Variants in MTERF4 observed in about 807,000 individuals in gnomAD.
MTERF4 encodes the protein mitochondrial transcription termination factor 4, also known as transcription termination factor 4, mitochondrial.
A neutral mutation model predicts 22.5 loss-of-function variants in MTERF4; 17 were observed. That is an observed-to-expected ratio of 0.75 (90% CI 0.52 to 1.13). MTERF4 has a LOEUF of 1.13. MTERF4 is among the 50% of genes most tolerant of loss of function. The probability of loss-of-function intolerance (pLI) is 0.00; values close to 1 mark genes in which losing one functional copy is unlikely to be tolerated. For missense variants in MTERF4, 420 were observed against 466.8 expected (o/e 0.90, Z 0.92); for synonymous variants, 165 against 175.3 (o/e 0.94, Z 0.47).
chr2:241,071,463 C>A, downstream of MTERF4: 1 of 1,277,316 alleles, frequency 7.8e-7, no homozygotes, highest in Non-Finnish European at 1.1e-6. Flanking sequence ...CACATGCCCC[C>A]CTTCCCTTCT....
downstream of MTERF4, chr2:241,088,441 G>A: frequency 2.6e-6 from 4 of 1,563,100 alleles, no homozygotes; most frequent in Middle Eastern, 1.7e-4. Context: ...CCACAGAGCT[G>A]CTGGGAAGTG....
At chr2:241,043,007 A>G in the MTERF4 span, among the ~76,000 whole-genome samples, 1 of 152,214 alleles carries the variant, frequency 6.6e-6, no homozygotes, top group Non-Finnish European at 1.5e-5. Flanking sequence ...GGATCCATGT[A>G]TGTGCAGTCT....
the MTERF4 span, among the ~76,000 whole-genome samples, chr2:241,048,142 C>T: frequency 6.6e-6 from 1 of 152,260 alleles, no homozygotes. Flanking sequence ...ATGCTGAGCT[C>T]CATGGGGTGC....
At chr2:241,051,682 TA>T in the MTERF4 span, 1 of 1,288,270 alleles carries the variant, frequency 7.8e-7, no homozygotes, top group African/African-American at 1.5e-5. This position sits in a 1 kb window ranked among gnomAD's most constrained non-coding sequence, Gnocchi z 4.7. Context: ...CAGGAGGGTA[TA>T]GTGGCTCTGT....
downstream of MTERF4, chr2:241,088,003 A>G (rs2063672397): frequency 2.6e-6 from 1 of 391,196 alleles, no homozygotes; most frequent in Non-Finnish European, 4.5e-6. Flanking sequence ...GGCATTACCA[A>G]GTGTCCGGGC....
chr2:241,064,208 G>T, the MTERF4 span: 1 of 920,906 alleles, frequency 1.1e-6, no homozygotes, highest in Admixed American at 2.9e-5. This position sits in a 1 kb window ranked among gnomAD's most constrained non-coding sequence, Gnocchi z 7.0. Context: ...CCCTCTGCCC[G>T]CCTGCTCCCC....
the MTERF4 span, among the ~76,000 whole-genome samples, chr2:241,064,459 G>A: frequency 4.9e-4 from 74 of 152,286 alleles, 1 homozygote; most frequent in Non-Finnish European, 1.2e-4. This position sits in a 1 kb window ranked among gnomAD's most constrained non-coding sequence, Gnocchi z 7.0. Flanking sequence ...ACCCAGGTCT[G>A]GCCCCTGGCT....
chr2:241,049,152 C>T, the MTERF4 span: 4 of 1,597,644 alleles, frequency 2.5e-6, no homozygotes, highest in South Asian at 1.1e-5. Flanking sequence ...AGCTCGGGGA[C>T]GAGCCTGCTG....
At chr2:241,070,146 G>A, downstream of MTERF4, 1 of 1,610,524 alleles carries the variant, frequency 6.2e-7, no homozygotes. Flanking sequence ...TAGCAGTGCA[G>A]AGCACGGAGC....
chr2:241,096,004 C>T lies in MTERF4; in HGVS notation c.1140G>A (p.Glu380=). 1.2e-6 allele frequency: 2 copies of T among 1,613,852 alleles called. No individual in the cohort carries two copies. The highest frequency in any genetic ancestry group is 1.7e-6 in the Non-Finnish European group (2 of 1,179,764). ...TCTAGTCCTTCCATCACAGCTATTC[C>T]TCCTCGTCGTCGTCCTCATCCTCAT... ...DNDEDEDDDE[E]E The change falls in exon 4 of 4, where the codon GAG becomes GAA. Residue 380 remains glutamate, a synonymous_variant. Transcript: ENST00000391980. This position sits in a 1 kb window ranked among gnomAD's most constrained non-coding sequence, Gnocchi z 5.1.
chr2:241,079,331 G>C (rs1172243435), intron 4 of MTERF4, among the ~76,000 whole-genome samples: 1 of 150,378 alleles, frequency 6.6e-6, no homozygotes, highest in Admixed American at 6.6e-5. Flanking sequence ...AGAATGGCAT[G>C]AACCCAGGAG....
At chr2:241,072,745 C>T (rs1350124460) in exon 5 of MTERF4, 1 of 193,600 alleles carries the variant, frequency 5.2e-6, no homozygotes, top group African/African-American at 2.4e-5. Flanking sequence ...ATCTGGAGTA[C>T]AGAGGGGGGC....
downstream of MTERF4, among the ~76,000 whole-genome samples, chr2:241,091,447 G>A (rs183754690): frequency 1.6e-4 from 25 of 151,670 alleles, no homozygotes; most frequent in African/African-American, 5.8e-4. This position sits in a 1 kb window ranked among gnomAD's most constrained non-coding sequence, Gnocchi z 4.1. Context: ...GTAGAATCCT[G>A]GTGCTCTAAG....
At chr2:241,089,566 G>A (rs887138943), downstream of MTERF4, among the ~76,000 whole-genome samples, 9 of 109,618 alleles carry the variant, frequency 8.2e-5, no homozygotes, top group African/African-American at 3.6e-4. Flanking sequence ...CTGCCTCTTC[G>A]GATGTGGAAA....
downstream of MTERF4, among the ~76,000 whole-genome samples, chr2:241,084,381 T>C (rs571114257): frequency 9.7e-4 from 148 of 152,272 alleles, no homozygotes; most frequent in African/African-American, 3.4e-3. Context: ...CTCAAACTCA[T>C]GACCTCAGGT....
At position 241,073,053 on chromosome 2, in the gene MTERF4, C is replaced by G; in HGVS notation, n.3109G>C. The G allele has an allele frequency of 1.8e-6, 1 of 554,216 alleles. No homozygotes were observed. The highest frequency in any genetic ancestry group is 4.7e-4 in the Middle Eastern group (1 of 2,112). 34.3% of individuals were successfully genotyped at this position (554,216 alleles called of 1,614,324 possible). On this transcript the variant is annotated non_coding_transcript_exon_variant, in exon 5 of 5. Transcript: ENST00000464344. The surrounding 1 kb of genome is among the most constrained non-coding windows in gnomAD (Gnocchi z 6.6). Reference sequence around the variant, plus strand: ...CTGAGGGGGCCCTGCAAGGGGAAGGCCGAGCCCCTCCAGAGGGTCAGCAGG... The same window carrying G: ...CTGAGGGGGCCCTGCAAGGGGAAGGGCGAGCCCCTCCAGAGGGTCAGCAGG...
chr2:241,073,688 C>G lies in MTERF4; in HGVS notation n.2474G>C. 1 of 470,796 alleles carries G rather than the reference C, an allele frequency of 2.1e-6. No individual in the cohort carries two copies. Among genetic ancestry groups the G allele is most frequent in the East Asian group, 3.2e-5 (1 of 31,040 alleles). 29.2% of individuals were successfully genotyped at this position (470,796 alleles called of 1,614,324 possible). A position where few individuals can be genotyped will look rare whatever the true frequency, so the allele number is the denominator to read the frequency against. ...CACATGCAGCAGAGCCCACCCCAGC[C>G]CCTGCCTCTGGGCCCCTCACCCCTC... On this transcript the variant is annotated non_coding_transcript_exon_variant, in exon 5 of 5. Coordinates refer to the MTERF4 transcript ENST00000464344. This position sits in a 1 kb window ranked among gnomAD's most constrained non-coding sequence, Gnocchi z 6.6.
chr2:241,044,378 A>C, the MTERF4 span, among the ~76,000 whole-genome samples: 8 of 152,218 alleles, frequency 5.3e-5, no homozygotes, highest in South Asian at 1.7e-3. Context: ...AAAAAGATAG[A>C]GTAAGCACAG....
chr2:241,050,542 G>A, the MTERF4 span, among the ~76,000 whole-genome samples: 1 of 152,202 alleles, frequency 6.6e-6, no homozygotes, highest in Non-Finnish European at 1.5e-5. Context: ...CTGGACTGGT[G>A]TGGAGCCTTC....
Sources: gnomAD v4.1 joint callset for allele counts (sites outside exome capture counted in the v4.1 genomes callset) on GRCh38, gnomAD v4.1.1 for gene constraint, Gnocchi (gnomAD v3.1) non-coding constraint, MANE v1.5 for transcripts, NCBI Gene and HGNC (gene_info 2026-07-23, HGNC 2026-07-21) for gene names.